MDFIC2: variants seen among roughly 807,000 people sequenced by gnomAD.
MDFIC2 encodes the protein myoD family inhibitor domain-containing protein 2.
chr3:70,299,976 C>T (rs1005945160), intron 2 of MDFIC2, among the ~76,000 whole-genome samples: 20 of 152,090 alleles, frequency 1.3e-4, no homozygotes, highest in African/African-American at 4.8e-4. Context: ...AAAGAACATA[C>T]CCCAGACTTT....
At chr3:70,280,677 T>C (rs1396442401) in intron 2 of MDFIC2, among the ~76,000 whole-genome samples, 2 of 152,132 alleles carry the variant, frequency 1.3e-5, no homozygotes, top group Non-Finnish European at 2.9e-5. Flanking sequence ...GAAACTAGAA[T>C]ACCTCTTCCC....
intron 2 of MDFIC2, among the ~76,000 whole-genome samples, chr3:70,213,441 C>A (rs991299226): frequency 6.6e-6 from 1 of 152,042 alleles, no homozygotes; most frequent in Non-Finnish European, 1.5e-5. Flanking sequence ...AACGTATAGA[C>A]CATTTTTTAA....
At chr3:70,283,906 T>C (rs1363272116) in intron 2 of MDFIC2, 2 of 152,138 alleles carry the variant, frequency 1.3e-5, no homozygotes, top group Non-Finnish European at 2.9e-5. Flanking sequence ...AAGTATTTAA[T>C]ACATGTGCTA....
chr3:70,202,699 C>A (rs1701252983), intron 3 of MDFIC2, among the ~76,000 whole-genome samples: 1 of 152,086 alleles, frequency 6.6e-6, no homozygotes, highest in Admixed American at 6.5e-5. Context: ...ACAAAAACCC[C>A]TTTGGGCTTC....
intron 2 of MDFIC2, among the ~76,000 whole-genome samples, chr3:70,237,356 C>G (rs1030597439): frequency 6.6e-6 from 1 of 152,146 alleles, no homozygotes; most frequent in Non-Finnish European, 1.5e-5. Context: ...TTTCCCATCC[C>G]TCTCATATGT....
At position 70,214,062 on chromosome 3, in the gene MDFIC2, G is replaced by C. The variant is rs142405047; in HGVS notation, c.89-7272C>G. On this transcript the variant is annotated intron_variant, in intron 2 of 3. Transcript: ENST00000567252. The stretch of plus-strand genomic sequence containing the variant: ...AATTTTCTCCAGTTGAGGGATGAAG[G>C]CTTCTAAAATTTCCTCACCTTTTTG... Among the ~76,000 whole-genome samples the C allele has an allele frequency of 2.9e-3, 438 of 152,152 alleles. 4 individuals carry two copies. The highest frequency in any genetic ancestry group is 0.017 in the South Asian group (81 of 4,820).
chr3:70,285,070 A>C (rs73102672), intron 2 of MDFIC2, among the ~76,000 whole-genome samples: 29,572 of 146,260 alleles, frequency 0.2, 3,006 homozygotes, highest in South Asian at 0.28. Context: ...TTCTTTTATT[A>C]TTATACTTTA....
chr3:70,297,385 A>T (rs115684717), intron 2 of MDFIC2, among the ~76,000 whole-genome samples: 2 of 152,054 alleles, frequency 1.3e-5, no homozygotes, highest in Non-Finnish European at 2.9e-5. Context: ...GGAGATTAAG[A>T]GTTTAGATAT....
intron 2 of MDFIC2, among the ~76,000 whole-genome samples, chr3:70,252,322 A>G (rs1701777230): frequency 6.6e-6 from 1 of 152,182 alleles, no homozygotes; most frequent in South Asian, 2.1e-4. Flanking sequence ...TGTGGCGTAC[A>G]ATTCTCCCAT....
At chr3:70,289,750 T>G (rs531129086) in intron 2 of MDFIC2, among the ~76,000 whole-genome samples, 214 of 152,306 alleles carry the variant, frequency 1.4e-3, no homozygotes, top group Non-Finnish European at 2.4e-3. Context: ...TTGGAGGGTT[T>G]GCTCGTTTCT....
chr3:70,214,085 T>A (rs1701381413), intron 2 of MDFIC2, among the ~76,000 whole-genome samples: 1 of 152,150 alleles, frequency 6.6e-6, no homozygotes, highest in African/African-American at 2.4e-5. Context: ...CCTCACCTTT[T>A]TGAAATGAAT....
At chr3:70,229,213 G>A (rs1363461582) in intron 2 of MDFIC2, among the ~76,000 whole-genome samples, 2 of 152,196 alleles carry the variant, frequency 1.3e-5, no homozygotes, top group African/African-American at 4.8e-5. Flanking sequence ...AGGTGTCAGA[G>A]GAGGAATGGT....
intron 2 of MDFIC2, among the ~76,000 whole-genome samples, chr3:70,219,881 G>A (rs1040879208): frequency 6.6e-6 from 1 of 152,124 alleles, no homozygotes; most frequent in Admixed American, 6.6e-5. Context: ...TCCTGGAGAA[G>A]AAACCAAAAC....
intron 2 of MDFIC2, among the ~76,000 whole-genome samples, chr3:70,252,545 A>G (rs1409727433): frequency 6.6e-6 from 1 of 152,214 alleles, no homozygotes; most frequent in Non-Finnish European, 1.5e-5. Context: ...AAGTGAGGCT[A>G]GGCAAACAAT....
rs1246534760 is a variant in MDFIC2 at position 70,196,773 on chromosome 3, C to T, written c.*153G>A. ...GAATAAGACCATTGAGTTGATAATACTAGCTTTCCTAGACAGGTGCAGAAT... is the reference window on the plus strand; with the variant it reads ...GAATAAGACCATTGAGTTGATAATATTAGCTTTCCTAGACAGGTGCAGAAT... On this transcript the variant is annotated 3_prime_UTR_variant, in exon 4 of 4. Transcript: ENST00000567252. 7.6e-6 allele frequency: 3 copies of T among 395,594 alleles called. No homozygotes were observed. The highest frequency in any genetic ancestry group is 4.4e-5 in the Admixed American group (1 of 22,646). The allele number at this position is 395,594 out of a possible 1,614,324, so 24.5% of individuals were successfully genotyped here.
chr3:70,306,857 T>A (rs1353236516), intron 2 of MDFIC2, among the ~76,000 whole-genome samples: 2 of 152,192 alleles, frequency 1.3e-5, no homozygotes, highest in Admixed American at 6.5e-5. Context: ...TTAGGTCATA[T>A]GATTGGTGTC....
At chr3:70,227,042 A>T (rs998098962) in intron 2 of MDFIC2, among the ~76,000 whole-genome samples, 2 of 152,190 alleles carry the variant, frequency 1.3e-5, no homozygotes, top group Non-Finnish European at 2.9e-5. Context: ...CTGGGAAAAT[A>T]TACCATATGC....
intron 2 of MDFIC2, among the ~76,000 whole-genome samples, chr3:70,221,922 C>T (rs1262993915): frequency 6.6e-6 from 1 of 152,140 alleles, no homozygotes; most frequent in African/African-American, 2.4e-5. Flanking sequence ...AGTGTTAGTA[C>T]TCATCCTATC....
chr3:70,236,072 A>G (rs1701605800), intron 2 of MDFIC2, among the ~76,000 whole-genome samples: 2 of 151,978 alleles, frequency 1.3e-5, no homozygotes. Context: ...CTTTCCCACG[A>G]CCTTGGCTTT....
Sources: gnomAD v4.1 joint callset for allele counts (sites outside exome capture counted in the v4.1 genomes callset) on GRCh38, gnomAD v4.1.1 for gene constraint, MANE v1.5 for transcripts, NCBI Gene and HGNC (gene_info 2026-07-23, HGNC 2026-07-21) for gene names.